Variants in GATD1 observed in about 807,000 individuals in gnomAD.
GATD1 encodes the protein glutamine amidotransferase class 1 domain containing 1, also known as glutamine amidotransferase-like class 1 domain-containing protein 1.
GATD1 carries 23 observed loss-of-function variants against 25.9 expected under a neutral mutation model. That is an observed-to-expected ratio of 0.89 (90% confidence interval 0.64 to 1.26). The LOEUF (loss-of-function observed/expected upper bound fraction) is 1.26. GATD1 is among the 50% of genes most tolerant of loss of function. The pLI is 0.00. For synonymous variants in GATD1, 177 were observed against 134.6 expected (o/e 1.31, Z -2.18); for missense variants, 347 against 312.5 (o/e 1.11, Z -0.83).
chr11:772,401 G>C (rs749190410), intron 5 of GATD1, 26 bp downstream of exon 5: 1 of 1,584,846 alleles, frequency 6.3e-7, no homozygotes, highest in East Asian at 2.2e-5. Flanking sequence ...AGGGAGCACA[G>C]CGTGCCTCGG....
chr11:773,570 T>C lies in GATD1; in HGVS notation c.307A>G (p.Ser103Gly), dbSNP rs138017355. 8 of 1,610,516 alleles carry C rather than the reference T, an allele frequency of 5.0e-6. No individual in the cohort carries two copies. The African/African-American group carries it at 6.7e-5, about 13-fold the overall frequency. The stretch of plus-strand genomic sequence containing the variant: ...AGGATACGGGCCAGGGAGCCACTGC[T>C]GGCCAGGTCGGTCAGGGCCCCAGGA... The part of the protein sequence containing the change: ...SCPGALTDLA[S>G]SGSLARILQH... The change falls in exon 4 of 8, where the codon AGC (serine) becomes GGC (glycine). Residue 103 changes from serine (S) to glycine (G), a missense_variant. Physicochemically the swap from Ser to Gly is moderately conservative, Grantham distance 56 (BLOSUM62 0). Transcript: ENST00000319863.
At chr11:771,937 C>A (rs1301902334) in intron 5 of GATD1, among the ~76,000 whole-genome samples, 1 of 152,288 alleles carries the variant, frequency 6.6e-6, no homozygotes, top group Non-Finnish European at 1.5e-5. Flanking sequence ...AGCCTCCGCA[C>A]AGCAGCCACC....
At chr11:773,228 G>A (rs372017521) in intron 4 of GATD1, 27 of 379,124 alleles carry the variant, frequency 7.1e-5, no homozygotes, top group Middle Eastern at 7.6e-4. Flanking sequence ...CTGGATGCCA[G>A]GCTTTCCCAG....
chr11:774,214 C>T (rs1270268206), intron 2 of GATD1, 101 bp from the exon 3 acceptor site: 5 of 994,062 alleles, frequency 5.0e-6, no homozygotes, highest in East Asian at 2.6e-5. Flanking sequence ...ACAGCATCCC[C>T]CTGAGGCACA....
intron 4 of GATD1, 23 bp from the exon 5 acceptor site, chr11:772,544 A>G (rs1340578646): frequency 6.2e-6 from 10 of 1,603,272 alleles, no homozygotes; most frequent in Non-Finnish European, 7.6e-6. Flanking sequence ...CATGGCGTTG[A>G]GGCCCTGGAC....
chr11:770,252 C>CA lies in GATD1; in HGVS notation c.*644dup. The CA allele has an allele frequency of 7.0e-7, 1 of 1,429,924 alleles. No individual in the cohort carries two copies. Among genetic ancestry groups the CA allele is most frequent in the Non-Finnish European group, 9.2e-7 (1 of 1,088,282 alleles). 88.6% of individuals were successfully genotyped at this position (1,429,924 alleles called of 1,614,324 possible). On this transcript the variant is annotated 3_prime_UTR_variant, in exon 8 of 8. Transcript: ENST00000319863. The stretch of plus-strand genomic sequence containing the variant: ...CCTATCATTGAGAATCTCATGGTCT[C>CA]ATATTCACAAGTAAACGTGCCTCTC...
rs1863825575 is a variant in GATD1 at position 775,070 on chromosome 11, G to A, written c.137C>T (p.Pro46Leu). The A allele has an allele frequency of 3.7e-6, 6 of 1,602,412 alleles. No homozygotes were observed. The highest frequency in any genetic ancestry group is 5.1e-6 in the Non-Finnish European group (6 of 1,175,904). The change falls in exon 2 of 8, where the codon CCT becomes CTT. Residue 46 changes from proline to leucine, a missense_variant. By Grantham distance (98) the Pro-to-Leu change is moderately conservative. Coordinates refer to ENST00000319863, the MANE Select transcript of GATD1 (RefSeq NM_182612.4). The stretch of plus-strand genomic sequence containing the variant: ...GGAAGGAGAGGCTGGACTTACCCCA[G>A]GGGTGGCCACCTGCAGGTTGAAGGC... ...STAFNLQVAT[P>L]GGKAMEFVDV...
rs749515163 is a variant in GATD1, at chr11:767,413, A to G, written c.*3484T>C. On this transcript the variant is annotated 3_prime_UTR_variant, in exon 8 of 8. Coordinates refer to ENST00000319863, the MANE Select transcript of GATD1 (RefSeq NM_182612.4). Reference sequence around the variant, plus strand: ...ACTGTGCACAGCGGGGAGGCTCTCCAAGCCAGAGGCCTCGCACGCAGCTGA... The same window carrying G: ...ACTGTGCACAGCGGGGAGGCTCTCCGAGCCAGAGGCCTCGCACGCAGCTGA... 3.9e-6 allele frequency: 6 copies of G among 1,523,562 alleles called. No individual in the cohort carries two copies. The highest frequency in any genetic ancestry group is 2.4e-5 in the South Asian group (2 of 82,640). The allele number at this position is 1,523,562 out of a possible 1,614,324, so 94.4% of individuals were successfully genotyped here.
Position 772,535 on chromosome 11 carries a change from A to G in GATD1, c.356-14T>C, listed in dbSNP as rs372647429. On this transcript the variant is annotated splice_polypyrimidine_tract_variant and intron_variant, in intron 4 of 7. Transcript: ENST00000319863. The stretch of plus-strand genomic sequence containing the variant: ...CGCAGATGGGTTCTGAAAGCCGTAC[A>G]TGGCGTTGAGGCCCTGGACCCCGCC... The G allele has an allele frequency of 1.1e-5, 18 of 1,607,356 alleles. No individual in the cohort carries two copies. The highest frequency in any genetic ancestry group is 1.7e-5 in the Admixed American group (1 of 59,994).
At chr11:771,519 CCCAA>C in intron 5 of GATD1, 93 bp from the exon 6 acceptor site, 2 of 1,441,200 alleles carry the variant, frequency 1.4e-6, no homozygotes, top group Non-Finnish European at 1.8e-6. Context: ...GGGAGCCTCA[CCCAA>C]CCAAGTGGGA....
In GATD1 at chr11:770,259, A is replaced by T; in HGVS notation, c.*638T>A. 7.0e-7 allele frequency: 1 copy of T among 1,435,666 alleles called. No homozygotes were observed. The highest frequency in any genetic ancestry group is 1.4e-5 in the South Asian group (1 of 70,304). The allele number at this position is 1,435,666 out of a possible 1,614,324, so 88.9% of individuals were successfully genotyped here. A position where few individuals can be genotyped will look rare whatever the true frequency, so the allele number is the denominator to read the frequency against. ...TTGAGAATCTCATGGTCTCATATTC[A>T]CAAGTAAACGTGCCTCTCAATGCTT... On this transcript the variant is annotated 3_prime_UTR_variant, in exon 8 of 8. Coordinates refer to ENST00000319863, the MANE Select transcript of GATD1 (RefSeq NM_182612.4).
chr11:775,834 C>G (rs1200484514), intron 1 of GATD1, among the ~76,000 whole-genome samples: 15 of 152,292 alleles, frequency 9.8e-5, no homozygotes, highest in Non-Finnish European at 7.4e-5. Flanking sequence ...GGCCTCTGTC[C>G]TACCAGGGGA....
intron 4 of GATD1, chr11:772,764 C>T (rs1402494946): frequency 1.8e-6 from 1 of 571,152 alleles, no homozygotes; most frequent in African/African-American, 1.9e-5. Flanking sequence ...GCCCAAATCT[C>T]AGGTTTTGGC....
Position 771,117 on chromosome 11 carries a change from G to C in GATD1, c.545-13C>G, listed in dbSNP as rs375011370. On this transcript the variant is annotated splice_polypyrimidine_tract_variant and intron_variant, in intron 6 of 7. Coordinates refer to ENST00000319863, the MANE Select transcript of GATD1 (RefSeq NM_182612.4). ...TCAGGCTCGCTTGCTGGGGAGGACCGAGGGCACCAACCTCAGGCAATGTCC... is the reference window on the plus strand; with the variant it reads ...TCAGGCTCGCTTGCTGGGGAGGACCCAGGGCACCAACCTCAGGCAATGTCC... 3 of 1,577,330 alleles carry C rather than the reference G, an allele frequency of 1.9e-6. No homozygotes were observed. The highest frequency in any genetic ancestry group is 2.6e-6 in the Non-Finnish European group (3 of 1,164,844).
At chr11:771,643 T>G (rs547490378) in intron 5 of GATD1, among the ~76,000 whole-genome samples, 1 of 152,116 alleles carries the variant, frequency 6.6e-6, no homozygotes, top group African/African-American at 2.4e-5. Context: ...ACACGGCCAC[T>G]ACAGGAGGAC....
intron 1 of GATD1, 28 bp from the exon 2 acceptor site, chr11:775,170 T>G: frequency 6.3e-7 from 1 of 1,574,982 alleles, no homozygotes; most frequent in Non-Finnish European, 8.6e-7. Context: ...GAGTGTGGGC[T>G]CGACAGGACT....
At chr11:772,649 C>T in intron 4 of GATD1, 128 bp from the exon 5 acceptor site, 1 of 810,724 alleles carries the variant, frequency 1.2e-6, no homozygotes, top group Admixed American at 2.1e-5. Context: ...CCAGGTTTCC[C>T]TGGAAACTGG....
rs1263776119 is a variant in GATD1 at position 767,510 on chromosome 11, C to A, written c.*3387G>T. The A allele has an allele frequency of 1.4e-6, 2 of 1,428,826 alleles. No homozygotes were observed. Among genetic ancestry groups the A allele is most frequent in the South Asian group, 1.5e-5 (1 of 66,284 alleles). The allele number at this position is 1,428,826 out of a possible 1,614,324, so 88.5% of individuals were successfully genotyped here. The stretch of plus-strand genomic sequence containing the variant: ...TGGGGCCCCGCGTCAGAACCCACTT[C>A]ACATCCCAAAGCCCCACCTGCTTTG... On this transcript the variant is annotated 3_prime_UTR_variant, in exon 8 of 8. Transcript: ENST00000319863.
chr11:771,233 T>C, intron 6 of GATD1, 100 bp downstream of exon 6: 1 of 1,548,158 alleles, frequency 6.5e-7, no homozygotes, highest in Admixed American at 2.0e-5. Context: ...GCCATGGGGG[T>C]CTATAGAACC....
Sources: allele counts gnomAD v4.1 joint callset (sites outside exome capture counted in the v4.1 genomes callset), GRCh38; gene constraint gnomAD v4.1.1; transcripts MANE v1.5; gene names NCBI Gene and HGNC (gene_info 2026-07-23, HGNC 2026-07-21).